Variants in NXPE1 observed in about 807,000 individuals in gnomAD.
NXPE1 encodes the protein NXPE family member 1.
NXPE1 carries 31 observed loss-of-function variants against 33.3 expected under a neutral mutation model. That is an observed-to-expected ratio of 0.93 (90% CI 0.70 to 1.26). NXPE1 has a LOEUF of 1.26. Ranked by LOEUF, NXPE1 falls within the 50% of genes most tolerant of loss-of-function variation. The pLI is 0.00. For synonymous variants in NXPE1, 229 were observed against 231.4 expected (o/e 0.99, Z 0.09); for missense variants, 661 against 655.6 (o/e 1.01, Z -0.09).
rs142403291 is a variant in NXPE1 at position 114,540,837 on chromosome 11, C to CTTTTTTTTTTTTTTTTTTTT, written c.100-9949_100-9930dup. Among the ~76,000 whole-genome samples the CTTTTTTTTTTTTTTTTTTTT allele has an allele frequency of 6.3e-5, 3 of 47,472 alleles. 1 individual carries two copies. The highest frequency in any genetic ancestry group is 4.7e-5 in the Non-Finnish European group (1 of 21,470). 31.1% of individuals were successfully genotyped at this position (47,472 alleles called of 152,430 possible). On this transcript the variant is annotated intron_variant, in intron 5 of 8. Transcript: ENST00000534921. ...TAGCTAAAACACAATAGAAAGCCATCTTTTTTTTTTTTTTTTTTTTTTTTT... is the reference window on the plus strand; with the variant it reads ...TAGCTAAAACACAATAGAAAGCCATCTTTTTTTTTTTTTTTTTTTTTTTTTTTTTTTTTTTTTTTTTTTTT...
Position 114,522,315 on chromosome 11 carries a change from C to T in NXPE1, c.1297G>A (p.Ala433Thr), listed in dbSNP as rs199812582. ...TGCTGGCCAAAGGTGATGACGATGGCTGTGTTTTTGTCACCTGATAGCCGG... is the reference window on the plus strand; with the variant it reads ...TGCTGGCCAAAGGTGATGACGATGGTTGTGTTTTTGTCACCTGATAGCCGG... Residue 433 changes from alanine to threonine, a missense_variant, in exon 9 of 9, where the codon GCC becomes ACC. Transcript: ENST00000534921. 231 of 1,613,884 alleles carry T rather than the reference C, an allele frequency of 1.4e-4. No homozygotes were observed. The highest frequency in any genetic ancestry group is 1.8e-4 in the Non-Finnish European group (211 of 1,179,958).
In NXPE1 at chr11:114,545,677, C is replaced by G. The variant is rs532084403; in HGVS notation, c.99+5426G>C. ...TGCAAAAGCTCATTGAATCTTATAA[C>G]ACAAAGAGTGGATCTTTTTTTTTTT... On this transcript the variant is annotated intron_variant, in intron 5 of 8. Transcript: ENST00000534921. 1.8e-4 allele frequency among the ~76,000 whole-genome samples: 28 copies of G among 151,560 alleles called. No individual in the cohort carries two copies. The South Asian group carries it at 5.8e-3, about 32-fold the overall frequency.
rs761450600 is a variant in NXPE1 at position 114,522,208 on chromosome 11, G to C, written c.1404C>G (p.Ser468Arg). The C allele has an allele frequency of 3.3e-5, 53 of 1,613,926 alleles. No homozygotes were observed. The Admixed American group carries it at 8.5e-4, about 26-fold the overall frequency. The change falls in exon 9 of 9, where the codon AGC becomes AGG. Residue 468 changes from serine to arginine, a missense_variant. Ser to Arg is a moderately radical substitution (Grantham distance 110). Coordinates refer to ENST00000534921, the Ensembl canonical transcript of NXPE1. ...TCTTAATAATCACTTTAGTGGCTGGGCTTCTTAGGAACAGTCTTTCAATAG... is the reference window on the plus strand; with the variant it reads ...TCTTAATAATCACTTTAGTGGCTGGCCTTCTTAGGAACAGTCTTTCAATAG...
chr11:114,544,684 A>G (rs549668647), intron 5 of NXPE1, among the ~76,000 whole-genome samples: 16 of 152,294 alleles, frequency 1.1e-4, no homozygotes, highest in African/African-American at 3.4e-4. Flanking sequence ...TAGAAATAAT[A>G]TAAAAAGCAC....
chr11:114,550,760 C>T (rs74796855), intron 5 of NXPE1, among the ~76,000 whole-genome samples: 1 of 152,046 alleles, frequency 6.6e-6, no homozygotes, highest in African/African-American at 2.4e-5. Flanking sequence ...AAATCATAGA[C>T]ACAATAAAAA....
chr11:114,537,188 T>G (rs1947863616), intron 5 of NXPE1, among the ~76,000 whole-genome samples: 1 of 152,200 alleles, frequency 6.6e-6, no homozygotes. Flanking sequence ...ACCAGATGAT[T>G]ATCTCAATAG....
intron 1 of NXPE1, among the ~76,000 whole-genome samples, chr11:114,553,215 A>G (rs1948561173): frequency 6.6e-6 from 1 of 152,128 alleles, no homozygotes; most frequent in Non-Finnish European, 1.5e-5. Flanking sequence ...TATCTTTGTA[A>G]TAATATGTGC....
chr11:114,530,874 T>C (rs1565301463), exon 6 of NXPE1: 1 of 1,612,868 alleles, frequency 6.2e-7, no homozygotes, highest in Admixed American at 1.7e-5. Context: ...GTTCCAGTAA[T>C]GGACAGAGAT....
chr11:114,534,078 G>A (rs1011988819), intron 5 of NXPE1, among the ~76,000 whole-genome samples: 12 of 152,174 alleles, frequency 7.9e-5, no homozygotes, highest in African/African-American at 2.7e-4. Context: ...GTACTCCTCT[G>A]AGACAAAACT....
intron 5 of NXPE1, among the ~76,000 whole-genome samples, chr11:114,539,328 T>A (rs919559248): frequency 1.3e-5 from 2 of 151,856 alleles, no homozygotes; most frequent in Admixed American, 6.6e-5. Context: ...GATATACCTA[T>A]TGCTAAATGA....
chr11:114,554,030 T>C, intron 1 of NXPE1: 1 of 985,502 alleles, frequency 1.0e-6, no homozygotes, highest in Non-Finnish European at 1.2e-6. Flanking sequence ...AAATGTCTTC[T>C]ACTTTTTCTT....
At chr11:114,548,743 G>T (rs114197936) in intron 5 of NXPE1, among the ~76,000 whole-genome samples, 291 of 151,812 alleles carry the variant, frequency 1.9e-3, no homozygotes, top group African/African-American at 6.8e-3. Context: ...CAGTTAAAAA[G>T]TTAGAAAAAG....
At chr11:114,537,875 C>T (rs1565307093) in intron 5 of NXPE1, among the ~76,000 whole-genome samples, 2 of 151,894 alleles carry the variant, frequency 1.3e-5, no homozygotes, top group South Asian at 4.2e-4. Context: ...TTTATAGATT[C>T]AATGCCATCC....
chr11:114,544,187 T>C (rs1017317061), intron 5 of NXPE1, among the ~76,000 whole-genome samples: 2 of 152,176 alleles, frequency 1.3e-5, no homozygotes, highest in Admixed American at 1.3e-4. Flanking sequence ...TCAATACCAT[T>C]TCAATAAAAA....
At chr11:114,533,272 G>C (rs1425093330) in intron 5 of NXPE1, among the ~76,000 whole-genome samples, 1 of 152,142 alleles carries the variant, frequency 6.6e-6, no homozygotes, top group Non-Finnish European at 1.5e-5. Context: ...AAACTCAAAA[G>C]CATTTAAATT....
downstream of NXPE1, among the ~76,000 whole-genome samples, chr11:114,519,029 T>C (rs1423329133): frequency 6.6e-6 from 1 of 152,172 alleles, no homozygotes; most frequent in Non-Finnish European, 1.5e-5. Flanking sequence ...CCTTTTCTTA[T>C]AAGACCACAA....
intron 5 of NXPE1, among the ~76,000 whole-genome samples, chr11:114,543,558 C>T (rs182352436): frequency 4.0e-5 from 6 of 151,120 alleles, no homozygotes; most frequent in African/African-American, 9.7e-5. Context: ...TTAACAAAGC[C>T]AAATCACTGT....
At chr11:114,520,021 C>A (rs1947177115), downstream of NXPE1, among the ~76,000 whole-genome samples, 1 of 147,084 alleles carries the variant, frequency 6.8e-6, no homozygotes. Flanking sequence ...TCACTGTGGT[C>A]TCGATCTCCT....
chr11:114,549,303 A>G (rs1948388049), intron 5 of NXPE1, among the ~76,000 whole-genome samples: 1 of 152,064 alleles, frequency 6.6e-6, no homozygotes, highest in Non-Finnish European at 1.5e-5. Flanking sequence ...CCAAAACCTA[A>G]TATTGTACCA....
Sources: allele counts gnomAD v4.1 joint callset (sites outside exome capture counted in the v4.1 genomes callset), GRCh38; gene constraint gnomAD v4.1.1; transcripts MANE v1.5; gene names NCBI Gene and HGNC (gene_info 2026-07-23, HGNC 2026-07-21).